The following EYA1 variants were observed in gnomAD, a reference collection of about 807,000 sequenced individuals.
The protein encoded by EYA1 is EYA transcriptional coactivator and phosphatase 1.
EYA1 carries 16 observed loss-of-function variants against 82.0 expected under a neutral mutation model. That is an observed-to-expected ratio of 0.20 (90% CI 0.13 to 0.30). EYA1 has a LOEUF of 0.30. Ranked by LOEUF, EYA1 falls within the 10% of genes least tolerant of loss-of-function variation. The pLI, the probability that EYA1 is intolerant of heterozygous loss-of-function variation, is 1.00. For missense variants in EYA1, 633 were observed against 730.7 expected, an observed-to-expected ratio of 0.87 and a Z score of 1.54; for synonymous variants, 261 against 264.4, an observed-to-expected ratio of 0.99 and a Z score of 0.12.
chr8:71,415,067 G>A (rs1371000734), intron 2 of EYA1, among the ~76,000 whole-genome samples: 1 of 152,174 alleles, frequency 6.6e-6, no homozygotes, highest in Non-Finnish European at 1.5e-5. Context: ...TCACATAACA[G>A]TAGAAAACCA....
chr8:71,255,671 GTCAATGA>G (rs1814327533), intron 11 of EYA1, among the ~76,000 whole-genome samples: 1 of 152,136 alleles, frequency 6.6e-6, no homozygotes, highest in Non-Finnish European at 1.5e-5. Context: ...CATTGGATTT[GTCAATGA>G]CTTTTTGGAT....
At chr8:71,471,953 G>A (rs1431801840) in intron 2 of EYA1, among the ~76,000 whole-genome samples, 1 of 151,986 alleles carries the variant, frequency 6.6e-6, no homozygotes, top group Non-Finnish European at 1.5e-5. Context: ...TTCTTGTAAG[G>A]CTTGTCAGTC....
intron 2 of EYA1, among the ~76,000 whole-genome samples, chr8:71,482,345 C>T (rs1415659556): frequency 6.6e-6 from 1 of 152,174 alleles, no homozygotes; most frequent in Non-Finnish European, 1.5e-5. Flanking sequence ...CAACAACATA[C>T]CACTGTTCAT....
chr8:71,491,035 A>T (rs1366309071), intron 2 of EYA1, among the ~76,000 whole-genome samples: 1 of 152,178 alleles, frequency 6.6e-6, no homozygotes, highest in Non-Finnish European at 1.5e-5. Context: ...GGATGAAAAA[A>T]AAAACACTGA....
At chr8:71,234,984 T>C (rs538617252) in intron 12 of EYA1, among the ~76,000 whole-genome samples, 3 of 152,270 alleles carry the variant, frequency 2.0e-5, no homozygotes, top group Non-Finnish European at 4.4e-5. Flanking sequence ...AACCTAGTGC[T>C]CATCCTTGAT....
chr8:71,225,335 G>C, intron 12 of EYA1: 1 of 456,124 alleles, frequency 2.2e-6, no homozygotes, highest in South Asian at 1.5e-5. Context: ...GTGGTTTGTA[G>C]CCTCTCCACA....
intron 2 of EYA1, among the ~76,000 whole-genome samples, chr8:71,523,179 C>CTTTTTTT (rs1160944112): frequency 5.8e-5 from 7 of 119,748 alleles, no homozygotes; most frequent in South Asian, 2.7e-4. Flanking sequence ...TTTTCTTTTT[C>CTTTTTTT]TTTTTTTTTT....
intron 2 of EYA1, among the ~76,000 whole-genome samples, chr8:71,472,788 G>GCTAT (rs1809315728): frequency 7.9e-6 from 1 of 126,828 alleles, no homozygotes; most frequent in Non-Finnish European, 1.6e-5. Context: ...TAGCTTTGAA[G>GCTAT]ATATATATAT....
intron 17 of EYA1, 47 bp from the exon 18 acceptor site, chr8:71,199,467 A>G (rs1429613747): frequency 7.1e-7 from 1 of 1,411,672 alleles, no homozygotes; most frequent in East Asian, 2.4e-5. Flanking sequence ...ACCCAGCGCC[A>G]GCCCTGCCAG....
intron 2 of EYA1, among the ~76,000 whole-genome samples, chr8:71,426,436 G>A (rs373129864): frequency 2.0e-5 from 3 of 152,360 alleles, no homozygotes; most frequent in African/African-American, 7.2e-5. Context: ...ACTGGAGTTT[G>A]GATGAGAGAA....
intron 12 of EYA1, among the ~76,000 whole-genome samples, chr8:71,226,502 TCA>T (rs1259918149): frequency 6.6e-6 from 1 of 151,706 alleles, no homozygotes; most frequent in East Asian, 2.0e-4. Flanking sequence ...TTGTCTTTAT[TCA>T]CACTCTCAAC....
intron 11 of EYA1, among the ~76,000 whole-genome samples, chr8:71,265,534 T>C (rs1815692941): frequency 6.6e-6 from 1 of 152,200 alleles, no homozygotes; most frequent in South Asian, 2.1e-4. Context: ...AAAAAGATAG[T>C]GTTGAAACAA....
At chr8:71,349,603 C>T (rs933208483) in intron 3 of EYA1, among the ~76,000 whole-genome samples, 2 of 152,092 alleles carry the variant, frequency 1.3e-5, no homozygotes, top group Non-Finnish European at 2.9e-5. Flanking sequence ...TATTTACATA[C>T]GGTATAGCAG....
At chr8:71,387,397 G>T (rs912802205) in intron 2 of EYA1, among the ~76,000 whole-genome samples, 2 of 152,152 alleles carry the variant, frequency 1.3e-5, no homozygotes, top group Non-Finnish European at 2.9e-5. Flanking sequence ...CATTCTAGTT[G>T]CAATGTGTAA....
intron 12 of EYA1, among the ~76,000 whole-genome samples, chr8:71,220,540 T>C (rs1165413328): frequency 1.3e-5 from 2 of 152,218 alleles, no homozygotes; most frequent in African/African-American, 4.8e-5. Context: ...TGGTCATTCA[T>C]GTACGTGTCA....
chr8:71,224,438 G>A (rs1308266583), intron 12 of EYA1, among the ~76,000 whole-genome samples: 2 of 152,204 alleles, frequency 1.3e-5, no homozygotes, highest in Admixed American at 1.3e-4. Flanking sequence ...GGCAGAGGAA[G>A]TGATCATTGG....
intron 9 of EYA1, among the ~76,000 whole-genome samples, chr8:71,294,443 G>C (rs1318023967): frequency 1.4e-5 from 2 of 146,566 alleles, no homozygotes; most frequent in African/African-American, 5.1e-5. Context: ...TGGGCGACAA[G>C]GAGACTCCGT....
At chr8:71,356,804 A>G in intron 1 of EYA1, 1 of 1,055,484 alleles carries the variant, frequency 9.5e-7, no homozygotes, top group Non-Finnish European at 1.2e-6. Context: ...CCCCTCCCCC[A>G]ATCAACATGC....
At chr8:71,326,349 C>T (rs562843069) in intron 4 of EYA1, among the ~76,000 whole-genome samples, 1 of 152,194 alleles carries the variant, frequency 6.6e-6, no homozygotes, top group South Asian at 2.1e-4. Context: ...CCCCACCTAC[C>T]CTTTTATCAT....
Sources: gnomAD v4.1 joint callset for allele counts (sites outside exome capture counted in the v4.1 genomes callset) on GRCh38, gnomAD v4.1.1 for gene constraint, MANE v1.5 for transcripts, NCBI Gene and HGNC (gene_info 2026-07-23, HGNC 2026-07-21) for gene names.